PDE11A: variants seen among roughly 807,000 people sequenced by gnomAD.
PDE11A encodes dual 3',5'-cyclic-AMP and -GMP phosphodiesterase 11A.
Under a neutral mutation model 100.5 loss-of-function variants are expected in PDE11A, and 100 were observed. The observed-to-expected ratio is 1.00, with a 90% confidence interval of 0.85 to 1.18. The LOEUF (loss-of-function observed/expected upper bound fraction) is 1.18, where lower values mean the gene tolerates loss of function less well. Among genes scored for constraint, PDE11A ranks in the 50% most tolerant of loss-of-function variants. The probability of loss-of-function intolerance (pLI) is 0.00; values close to 1 mark genes in which losing one functional copy is unlikely to be tolerated. For synonymous variants in PDE11A, 381 were observed against 420.8 expected (o/e 0.91, Z 1.16); for missense variants, 1,141 against 1,152.6 (o/e 0.99, Z 0.15).
intron 12 of PDE11A, among the ~76,000 whole-genome samples, chr2:177,713,598 G>A (rs924556897): frequency 2.0e-5 from 3 of 151,978 alleles, no homozygotes; most frequent in South Asian, 2.1e-4. Flanking sequence ...GGTGGCACGC[G>A]CCTGTAATCC....
chr2:178,072,058 C>A lies in PDE11A; in HGVS notation c.380G>T (p.Arg127Leu), dbSNP rs1278608607. ...CCTGTTCACGTGGATGGCCTTGGAG[C>A]GGGCAAAACTCTTCCTTAGCTCTTT... is the stretch of plus-strand genomic sequence containing the variant. ...SQKELRKSFA[R>L]SKAIHVNRTY... Residue 127 changes from arginine (R) to leucine (L), a missense_variant, in exon 1 of 20, where the codon CGC (arginine) becomes CTC (leucine). Physicochemically the swap from Arg to Leu is moderately radical, Grantham distance 102 (BLOSUM62 -2). Transcript: ENST00000286063. 6.2e-7 allele frequency: 1 copy of A among 1,613,758 alleles called. No individual in the cohort carries two copies. The highest frequency in any genetic ancestry group is 8.5e-7 in the Non-Finnish European group (1 of 1,179,684).
intron 5 of PDE11A, among the ~76,000 whole-genome samples, chr2:177,841,497 C>A (rs1018157957): frequency 6.6e-6 from 1 of 152,160 alleles, no homozygotes; most frequent in Non-Finnish European, 1.5e-5. Flanking sequence ...TAAGAAAACA[C>A]TAAATGTGCA....
In PDE11A at chr2:177,955,641, G is replaced by A. The variant is rs534090850; in HGVS notation, c.1072-50454C>T. ...AAAAGAACAAAGCTGGAGGCATCACGCTACCTGACTTCAAACTATACTACA... is the reference window on the plus strand; with the variant it reads ...AAAAGAACAAAGCTGGAGGCATCACACTACCTGACTTCAAACTATACTACA... On this transcript the variant is annotated intron_variant, in intron 2 of 19. Coordinates refer to ENST00000286063, the MANE Select transcript of PDE11A (RefSeq NM_016953.4). Among the ~76,000 whole-genome samples the A allele has an allele frequency of 1.2e-4, 18 of 152,132 alleles. No homozygotes were observed. In the East Asian group the frequency reaches 2.5e-3, roughly 21 times the overall value.
Position 177,817,855 on chromosome 2 carries a change from TA to T in PDE11A, c.1644+2del. 1 of 1,423,470 alleles carries T rather than the reference TA, an allele frequency of 7.0e-7. No individual in the cohort carries two copies. Among genetic ancestry groups the T allele is most frequent in the Non-Finnish European group, 9.9e-7 (1 of 1,008,424 alleles). The allele number at this position is 1,423,470 out of a possible 1,614,324, so 88.2% of individuals were successfully genotyped here. Reference sequence around the variant, plus strand: ...CACTTGGTTTATAAATTTATTTTCTTACCTCAAAAAGTCGTTGATCTGCATC... The same window carrying T: ...CACTTGGTTTATAAATTTATTTTCTTCCTCAAAAAGTCGTTGATCTGCATC... On this transcript the variant is annotated splice_donor_variant, in intron 8 of 19. Coordinates refer to ENST00000286063, the MANE Select transcript of PDE11A (RefSeq NM_016953.4). LOFTEE classifies it high-confidence loss of function.
intron 10 of PDE11A, among the ~76,000 whole-genome samples, chr2:177,731,838 T>C (rs1225764643): frequency 6.6e-6 from 1 of 152,220 alleles, no homozygotes; most frequent in Non-Finnish European, 1.5e-5. Context: ...TTGAGTTTGC[T>C]AAATTACTTT....
At chr2:178,094,907 C>G (rs1362349971) in intron 2 of PDE11A, among the ~76,000 whole-genome samples, 6 of 152,166 alleles carry the variant, frequency 3.9e-5, no homozygotes, top group African/African-American at 1.4e-4. Context: ...AACTCACTAT[C>G]ATGAGAACAG....
chr2:177,825,055 T>G (rs943286369), intron 6 of PDE11A, among the ~76,000 whole-genome samples: 1 of 152,166 alleles, frequency 6.6e-6, no homozygotes, highest in African/African-American at 2.4e-5. Context: ...AGCAGCAGTG[T>G]CCAATGCTAT....
chr2:177,644,444 T>C (rs2080190589), intron 19 of PDE11A, among the ~76,000 whole-genome samples: 1 of 152,242 alleles, frequency 6.6e-6, no homozygotes, highest in Non-Finnish European at 1.5e-5. Flanking sequence ...GCCCCTTTGT[T>C]TTGGCCAATT....
At chr2:177,882,961 C>G (rs1399583598) in intron 4 of PDE11A, among the ~76,000 whole-genome samples, 2 of 152,086 alleles carry the variant, frequency 1.3e-5, no homozygotes, top group South Asian at 4.1e-4. Context: ...GAGGACTACT[C>G]AAAATGGCAA....
intron 1 of PDE11A, among the ~76,000 whole-genome samples, chr2:178,070,961 T>C (rs1273236509): frequency 6.6e-6 from 1 of 152,192 alleles, no homozygotes; most frequent in African/African-American, 2.4e-5. Context: ...GGACCATTTT[T>C]CCCCTGACAT....
At chr2:178,093,143 C>T (rs568220310) in intron 2 of PDE11A, among the ~76,000 whole-genome samples, 1 of 152,284 alleles carries the variant, frequency 6.6e-6, no homozygotes, top group South Asian at 2.1e-4. Flanking sequence ...CACTCCTTGG[C>T]TTCTCTGTAG....
intron 13 of PDE11A, among the ~76,000 whole-genome samples, chr2:177,710,606 G>A (rs2081346294): frequency 6.6e-6 from 1 of 152,182 alleles, no homozygotes; most frequent in Non-Finnish European, 1.5e-5. Context: ...GACTGAACCA[G>A]GACTGAGTTT....
chr2:177,659,782 T>TC (rs1309899329), intron 19 of PDE11A, among the ~76,000 whole-genome samples: 1 of 133,502 alleles, frequency 7.5e-6, no homozygotes, highest in Non-Finnish European at 1.5e-5. Flanking sequence ...TTCTTCTTCT[T>TC]TTTTTTTTTC....
At chr2:178,071,250 A>C (rs2087123302) in intron 1 of PDE11A, among the ~76,000 whole-genome samples, 1 of 152,202 alleles carries the variant, frequency 6.6e-6, no homozygotes, top group Non-Finnish European at 1.5e-5. Flanking sequence ...GACCAGCCAA[A>C]GTGTCAGTGT....
chr2:177,950,980 GT>G (rs1316363411), intron 2 of PDE11A, among the ~76,000 whole-genome samples: 1 of 152,106 alleles, frequency 6.6e-6, no homozygotes, highest in African/African-American at 2.4e-5. Flanking sequence ...TTAATATTCT[GT>G]TTTTACAGAT....
At chr2:177,996,671 G>A (rs1037520836) in intron 2 of PDE11A, among the ~76,000 whole-genome samples, 6 of 152,080 alleles carry the variant, frequency 3.9e-5, no homozygotes, top group Admixed American at 1.3e-4. Flanking sequence ...AGAAAGCAAC[G>A]TAAATATTAT....
intron 19 of PDE11A, among the ~76,000 whole-genome samples, chr2:177,657,628 GGGGAGAGGGGCA>G (rs2080409468): frequency 6.6e-6 from 1 of 151,882 alleles, no homozygotes. Flanking sequence ...GAGGGGGAGT[GGGGAGAGGGGCA>G]GGGAGAGAGA....
rs970705356 is a variant in PDE11A at position 178,054,089 on chromosome 2, C to T, written c.912+17437G>A. Among the ~76,000 whole-genome samples, 8 of 152,146 alleles carry T rather than the reference C, an allele frequency of 5.3e-5. No homozygotes were observed. In the East Asian group the frequency reaches 7.7e-4, roughly 15 times the overall value. ...GCCAAAAGAACAAAGCTGGAGGCGT[C>T]GCGCTACTGTACTACAAGGCTACAG... is the stretch of plus-strand genomic sequence containing the variant. On this transcript the variant is annotated intron_variant, in intron 1 of 19. Transcript: ENST00000286063.
chr2:177,711,939 G>C (rs1039261870), intron 12 of PDE11A, 61 bp from the exon 13 acceptor site: 1 of 850,862 alleles, frequency 1.2e-6, no homozygotes, highest in African/African-American at 1.7e-5. Flanking sequence ...GATAAGGTTA[G>C]GTGCTGAGCA....
Sources: allele counts gnomAD v4.1 joint callset (sites outside exome capture counted in the v4.1 genomes callset), GRCh38; gene constraint gnomAD v4.1.1; transcripts MANE v1.5; gene names NCBI Gene and HGNC (gene_info 2026-07-23, HGNC 2026-07-21).